POLK: variants seen among roughly 807,000 people sequenced by gnomAD.
POLK encodes the protein DNA polymerase kappa, also known as polymerase (DNA directed) kappa.
POLK carries 76 observed loss-of-function variants against 94.0 expected under a neutral mutation model. The ratio of observed to expected loss-of-function variants is 0.81; its 90% CI spans 0.67 to 0.98. The LOEUF (loss-of-function observed/expected upper bound fraction) is 0.98. Among genes scored for constraint, POLK ranks in the 50% least tolerant of loss-of-function variants. The probability of loss-of-function intolerance (pLI) is 0.00; values close to 1 mark genes in which losing one functional copy is unlikely to be tolerated. For missense variants in POLK, 954 were observed against 1,010.1 expected (o/e 0.94, Z 0.75); for synonymous variants, 349 against 325.4 (o/e 1.07, Z -0.78).
At chr5:75,584,835 C>A in exon 9 of POLK, 1 of 1,599,340 alleles carries the variant, frequency 6.3e-7, no homozygotes, top group Non-Finnish European at 8.6e-7. Flanking sequence ...ACTTTACCAA[C>A]AGAGGGCATT....
At chr5:75,511,665 T>G (rs1768014376), upstream of POLK, 25 of 1,514,340 alleles carry the variant, frequency 1.7e-5, no homozygotes, top group Non-Finnish European at 2.2e-5. Flanking sequence ...CTCCCCTTCG[T>G]CCTCCCATTC....
At chr5:75,553,588 G>A (rs981908997) in intron 3 of POLK, among the ~76,000 whole-genome samples, 2 of 152,134 alleles carry the variant, frequency 1.3e-5, no homozygotes, top group East Asian at 3.8e-4. Flanking sequence ...ATTCCACTGT[G>A]TGGAGGTACC....
At chr5:75,524,216 A>T (rs1313867386) in intron 1 of POLK, among the ~76,000 whole-genome samples, 1 of 152,166 alleles carries the variant, frequency 6.6e-6, no homozygotes, top group Non-Finnish European at 1.5e-5. Flanking sequence ...CTCATAGAGA[A>T]TATGAGAACC....
chr5:75,529,730 A>T (rs147305719), intron 1 of POLK, among the ~76,000 whole-genome samples: 6 of 152,228 alleles, frequency 3.9e-5, no homozygotes, highest in Non-Finnish European at 7.4e-5. Flanking sequence ...ATAATCTTGT[A>T]ATATATATAT....
In POLK at chr5:75,540,341, CTG is replaced by C. The variant is rs2112607096; in HGVS notation, c.-13-6667_-13-6666del. Among the ~76,000 whole-genome samples the C allele has an allele frequency of 1.3e-5, 2 of 151,290 alleles. 1 individual carries two copies. The highest frequency in any genetic ancestry group is 4.2e-4 in the South Asian group (2 of 4,800). ...CACCCTGTCTCTTAAAAACTCTTCT[CTG>C]TTGTCCAGGCTGGAGTGCAGTGGCA... On this transcript the variant is annotated intron_variant, in intron 1 of 14. Transcript: ENST00000241436.
At chr5:75,511,715 G>A (rs1290101410), upstream of POLK, 14 of 1,545,802 alleles carry the variant, frequency 9.1e-6, no homozygotes, top group Non-Finnish European at 1.2e-5. Flanking sequence ...CCCGGCGTCT[G>A]ACGCGACACG....
intron 3 of POLK, among the ~76,000 whole-genome samples, chr5:75,558,950 C>A (rs2112696450): frequency 6.6e-6 from 1 of 152,244 alleles, no homozygotes; most frequent in East Asian, 1.9e-4. Context: ...AAGTATCTTT[C>A]ATTGTATAGC....
intron 11 of POLK, among the ~76,000 whole-genome samples, chr5:75,592,692 C>A (rs1236181784): frequency 3.5e-5 from 5 of 144,070 alleles, no homozygotes; most frequent in Non-Finnish European, 6.0e-5. Flanking sequence ...GAGACTCTGT[C>A]TAAAACAACA....
rs149894654 is a variant in POLK, at chr5:75,593,933, C to T, written c.1412C>T (p.Ala471Val). The T allele has an allele frequency of 3.0e-5, 49 of 1,606,752 alleles. No individual in the cohort carries two copies. The East Asian group carries it at 1.1e-3, about 36-fold the overall frequency. ...GTGAATTTTGAAGTAAAAACTCGTG[C>T]ATCTACAGTTTCATCTGTTGTTTCT... is the stretch of plus-strand genomic sequence containing the variant. Residue 471 changes from alanine (A) to valine (V), a missense_variant, in exon 12 of 15, where the codon GCA (alanine) becomes GTA (valine). Transcript: ENST00000241436.
intron 1 of POLK, among the ~76,000 whole-genome samples, chr5:75,543,927 A>G (rs1769878674): frequency 6.6e-6 from 1 of 152,266 alleles, no homozygotes; most frequent in East Asian, 1.9e-4. Flanking sequence ...TTGACCTCCC[A>G]GGCTCAAGTG....
chr5:75,512,801 G>C (rs1768121508), intron 1 of POLK: 1 of 152,218 alleles, frequency 6.6e-6, no homozygotes, highest in Non-Finnish European at 1.5e-5. Context: ...CTTACTACAA[G>C]GATGGGACGA....
At chr5:75,523,903 G>A (rs1356667555) in intron 1 of POLK, among the ~76,000 whole-genome samples, 1 of 152,102 alleles carries the variant, frequency 6.6e-6, no homozygotes, top group Non-Finnish European at 1.5e-5. Context: ...GCCGAGGCAG[G>A]CAGATCACCT....
chr5:75,557,731 T>G (rs764209830), intron 3 of POLK, among the ~76,000 whole-genome samples: 3 of 152,224 alleles, frequency 2.0e-5, no homozygotes, highest in South Asian at 2.1e-4. Flanking sequence ...CATATTTTGT[T>G]ACACTTGTTC....
At chr5:75,571,347 A>G (rs902541004) in intron 4 of POLK, among the ~76,000 whole-genome samples, 1 of 152,154 alleles carries the variant, frequency 6.6e-6, no homozygotes. Context: ...GAAATGTTCT[A>G]ACTTGGCACT....
At chr5:75,541,853 CTG>C (rs1196542308) in intron 1 of POLK, among the ~76,000 whole-genome samples, 1 of 152,032 alleles carries the variant, frequency 6.6e-6, no homozygotes, top group African/African-American at 2.4e-5. Flanking sequence ...TTTCATGTAT[CTG>C]TATGTAAAAT....
the POLK span, chr5:75,608,930 A>T: frequency 6.6e-6 from 1 of 152,304 alleles, no homozygotes; most frequent in Non-Finnish European, 1.5e-5. Flanking sequence ...CTTGAGAACT[A>T]ACCTGATATT....
intron 1 of POLK, among the ~76,000 whole-genome samples, chr5:75,527,500 T>C (rs866264788): frequency 8.6e-6 from 1 of 116,056 alleles, no homozygotes; most frequent in Non-Finnish European, 1.7e-5. Context: ...AAAATTTATA[T>C]ATACACACAC....
chr5:75,594,332 A>T (rs774417409), intron 12 of POLK, among the ~76,000 whole-genome samples: 8 of 152,194 alleles, frequency 5.3e-5, no homozygotes, highest in Non-Finnish European at 7.3e-5. Context: ...CTCAATGAGC[A>T]CCTGTATTCT....
At chr5:75,607,629 C>T in the POLK span, among the ~76,000 whole-genome samples, 2 of 152,062 alleles carry the variant, frequency 1.3e-5, no homozygotes, top group East Asian at 3.9e-4. Flanking sequence ...AAGGGTTGCA[C>T]AGGGGGATGG....
Sources: gnomAD v4.1 joint callset for allele counts (sites outside exome capture counted in the v4.1 genomes callset) on GRCh38, gnomAD v4.1.1 for gene constraint, MANE v1.5 for transcripts, NCBI Gene and HGNC (gene_info 2026-07-23, HGNC 2026-07-21) for gene names.